Variants in KCNIP4 observed in about 807,000 individuals in gnomAD.
KCNIP4 encodes potassium voltage-gated channel interacting protein 4.
A neutral mutation model predicts 34.0 loss-of-function variants in KCNIP4; 12 were observed. The observed-to-expected ratio is 0.35, with a 90% CI of 0.23 to 0.57. The LOEUF is 0.57. KCNIP4 is among the 20% of genes least tolerant of loss of function. The probability of loss-of-function intolerance (pLI) is 0.83; values close to 1 mark genes in which losing one functional copy is unlikely to be tolerated. For synonymous variants in KCNIP4, 124 were observed against 102.2 expected (o/e 1.21, Z -1.29); for missense variants, 238 against 311.7 (o/e 0.76, Z 1.78).
chr4:21,520,042 G>A (rs13120577), intron 1 of KCNIP4, among the ~76,000 whole-genome samples: 27,164 of 151,654 alleles, frequency 0.18, 2,645 homozygotes, highest in Non-Finnish European at 0.21. Flanking sequence ...AGCATCCAGC[G>A]CAGGAGAAGG....
intron 1 of KCNIP4, among the ~76,000 whole-genome samples, chr4:21,482,400 C>G (rs1041399537): frequency 5.3e-5 from 8 of 152,124 alleles, no homozygotes; most frequent in Non-Finnish European, 1.0e-4. Context: ...CAGTTTCTTC[C>G]TAGCCTTGAT....
At chr4:21,783,621 A>T (rs1180182076) in intron 1 of KCNIP4, among the ~76,000 whole-genome samples, 2 of 152,188 alleles carry the variant, frequency 1.3e-5, no homozygotes, top group African/African-American at 2.4e-5. Context: ...TAAAGGTAGG[A>T]CATCAAAAAA....
chr4:21,505,253 T>C (rs1005452091), intron 1 of KCNIP4, among the ~76,000 whole-genome samples: 22 of 144,028 alleles, frequency 1.5e-4, no homozygotes, highest in Admixed American at 2.1e-4. Context: ...TCTTATCACA[T>C]AAAATAGCAG....
intron 5 of KCNIP4, among the ~76,000 whole-genome samples, chr4:20,738,210 T>C (rs148826343): frequency 5.6e-4 from 85 of 152,274 alleles, no homozygotes; most frequent in African/African-American, 2.0e-3. Flanking sequence ...TCAAGGAAGA[T>C]TGCTGAGCAG....
At chr4:21,865,127 T>TA (rs747629667) in intron 1 of KCNIP4, among the ~76,000 whole-genome samples, 256 of 151,834 alleles carry the variant, frequency 1.7e-3, no homozygotes, top group Non-Finnish European at 3.0e-3. Flanking sequence ...AGTCAAATTT[T>TA]AAAAAAAAGC....
chr4:21,610,109 G>A (rs1297266134), intron 1 of KCNIP4, among the ~76,000 whole-genome samples: 2 of 152,240 alleles, frequency 1.3e-5, no homozygotes, highest in Non-Finnish European at 2.9e-5. Context: ...CTACTTTTCA[G>A]TGGCAGGTTA....
chr4:21,151,405 A>ATTTTTTTTTTT lies in KCNIP4; in HGVS notation c.62-268697_62-268696insAAAAAAAAAAA, dbSNP rs1491541435. 5.8e-4 allele frequency among the ~76,000 whole-genome samples: 54 copies of ATTTTTTTTTTT among 93,512 alleles called. 18 individuals carry two copies. Among genetic ancestry groups the ATTTTTTTTTTT allele is most frequent in the African/African-American group, 1.5e-3 (36 of 24,720 alleles). The allele number at this position is 93,512 out of a possible 152,430, so 61.3% of individuals were successfully genotyped here. On this transcript the variant is annotated intron_variant, in intron 1 of 8. Transcript: ENST00000382152. ...AGAATGGATGTCTTCAACAAAAGACAATTTTTTTTTTTTTTTTTTTTTTTT... is the reference window on the plus strand; with the variant it reads ...AGAATGGATGTCTTCAACAAAAGACATTTTTTTTTTTATTTTTTTTTTTTTTTTTTTTTTTT...
rs570604296 is a variant in KCNIP4, at chr4:21,375,897, T to G, written c.62-493188A>C. Reference sequence around the variant, plus strand: ...ATTGTTACCCTTTTTGATACAGTTGTGAGGAGTGAAAAATACTCACGTTCA... The same window carrying G: ...ATTGTTACCCTTTTTGATACAGTTGGGAGGAGTGAAAAATACTCACGTTCA... On this transcript the variant is annotated intron_variant, in intron 1 of 8. Transcript: ENST00000382152. Among the ~76,000 whole-genome samples, 327 of 152,212 alleles carry G rather than the reference T, an allele frequency of 2.1e-3. 1 individual carries two copies. The highest frequency in any genetic ancestry group is 7.6e-3 in the African/African-American group (317 of 41,556).
chr4:21,090,055 C>T (rs1015606339), intron 1 of KCNIP4, among the ~76,000 whole-genome samples: 1 of 152,264 alleles, frequency 6.6e-6, no homozygotes. Context: ...TTACAAATTT[C>T]CCCTTCCCAG....
At chr4:21,614,430 C>T (rs1744422645) in intron 1 of KCNIP4, among the ~76,000 whole-genome samples, 1 of 150,484 alleles carries the variant, frequency 6.6e-6, no homozygotes, top group Non-Finnish European at 1.5e-5. Context: ...TTTCCCTCCT[C>T]CCAGCTGGAA....
intron 1 of KCNIP4, among the ~76,000 whole-genome samples, chr4:20,884,303 C>A (rs1467154416): frequency 6.6e-6 from 1 of 152,120 alleles, no homozygotes; most frequent in African/African-American, 2.4e-5. Context: ...TGGTTTCCTG[C>A]ACCTATCAGC....
intron 3 of KCNIP4, among the ~76,000 whole-genome samples, chr4:20,784,052 A>G (rs377465446): frequency 1.3e-4 from 20 of 152,288 alleles, no homozygotes; most frequent in Non-Finnish European, 2.6e-4. Flanking sequence ...CCAGTTCACT[A>G]TTTAGTAAAT....
intron 1 of KCNIP4, among the ~76,000 whole-genome samples, chr4:21,232,826 T>C (rs913905223): frequency 7.9e-5 from 12 of 152,250 alleles, no homozygotes; most frequent in Middle Eastern, 3.4e-3. Flanking sequence ...TGAGGTGCAA[T>C]ATGATATCTG....
At chr4:21,125,107 G>C (rs1836090) in intron 1 of KCNIP4, among the ~76,000 whole-genome samples, 1 of 148,450 alleles carries the variant, frequency 6.7e-6, no homozygotes, top group South Asian at 2.2e-4. Context: ...AGAAGCCAGC[G>C]TGACTAGATG....
chr4:21,284,821 C>A (rs1341036123), intron 1 of KCNIP4, among the ~76,000 whole-genome samples: 1 of 151,784 alleles, frequency 6.6e-6, no homozygotes, highest in African/African-American at 2.4e-5. Context: ...GAAAATGTAA[C>A]CGACGTGAGC....
chr4:20,857,675 T>C (rs1305509596), intron 2 of KCNIP4, among the ~76,000 whole-genome samples: 1 of 150,712 alleles, frequency 6.6e-6, no homozygotes, highest in Non-Finnish European at 1.5e-5. Flanking sequence ...CACTTCCCAC[T>C]TTGCCACAGT....
At chr4:21,740,219 G>T (rs1322129561) in intron 1 of KCNIP4, among the ~76,000 whole-genome samples, 1 of 151,974 alleles carries the variant, frequency 6.6e-6, no homozygotes, top group African/African-American at 2.4e-5. Flanking sequence ...CACATATACA[G>T]TTATGGTTTT....
intron 3 of KCNIP4, among the ~76,000 whole-genome samples, chr4:20,846,657 C>T (rs1001793188): frequency 1.4e-4 from 21 of 152,140 alleles, no homozygotes; most frequent in Non-Finnish European, 2.6e-4. Flanking sequence ...AACCCCTACA[C>T]ACACATACGC....
chr4:21,766,788 C>T (rs896122), intron 1 of KCNIP4, among the ~76,000 whole-genome samples: 112,901 of 152,046 alleles, frequency 0.74, 43,571 homozygotes, highest in African/African-American at 0.9. Context: ...AACTGACCAG[C>T]ATAGTCATGG....
Sources: allele counts gnomAD v4.1 joint callset (sites outside exome capture counted in the v4.1 genomes callset), GRCh38; gene constraint gnomAD v4.1.1; transcripts MANE v1.5; gene names NCBI Gene and HGNC (gene_info 2026-07-23, HGNC 2026-07-21).